Variants in CSMD1 observed in about 807,000 individuals in gnomAD.
The protein encoded by CSMD1 is CUB and sushi domain-containing protein 1.
Under a neutral mutation model 417.5 loss-of-function variants are expected in CSMD1, and 213 were observed. The observed-to-expected ratio is 0.51, with a 90% confidence interval of 0.46 to 0.57. The LOEUF (loss-of-function observed/expected upper bound fraction) is 0.57, where lower values mean the gene tolerates loss of function less well. Among genes scored for constraint, CSMD1 ranks in the 20% least tolerant of loss-of-function variants. The probability of loss-of-function intolerance (pLI) is 0.00; values close to 1 mark genes in which losing one functional copy is unlikely to be tolerated. For synonymous variants in CSMD1, 2,862 were observed against 1,736.8 expected (o/e 1.65, Z -16.11); for missense variants, 6,923 against 4,529.7 (o/e 1.53, Z -15.17).
At chr8:3,241,218 TA>T (rs1307372441) in intron 26 of CSMD1, among the ~76,000 whole-genome samples, 38 of 151,114 alleles carry the variant, frequency 2.5e-4, no homozygotes, top group East Asian at 7.8e-4. Context: ...TGGGGATAAC[TA>T]AAAAGGAGTG....
At chr8:4,897,813 G>A (rs1804604189) in intron 1 of CSMD1, among the ~76,000 whole-genome samples, 1 of 152,078 alleles carries the variant, frequency 6.6e-6, no homozygotes, top group Non-Finnish European at 1.5e-5. Context: ...AAGAGACAGA[G>A]ACTTAAATAA....
intron 3 of CSMD1, among the ~76,000 whole-genome samples, chr8:4,267,813 G>A (rs1315355623): frequency 2.0e-5 from 3 of 152,112 alleles, no homozygotes; most frequent in East Asian, 1.9e-4. Flanking sequence ...CATTGCAGGT[G>A]TGCAAAATAT....
At chr8:2,957,828 T>C (rs1370320256) in intron 62 of CSMD1, 21 bp from the exon 63 acceptor site, 4 of 1,490,858 alleles carry the variant, frequency 2.7e-6, no homozygotes, top group Admixed American at 1.9e-5. Context: ...AATCCAATAC[T>C]AGCTTCAGAG....
In CSMD1 at chr8:2,950,347, T is replaced by A; in HGVS notation, c.10202-4A>T. ...GCCTCCTCCTTCTTGTAAATGCCTG[T>A]GAAAAGATCAGCAGTTTAGGCTTAC... On this transcript the variant is annotated splice_polypyrimidine_tract_variant and splice_region_variant and intron_variant, in intron 66 of 69. Transcript: ENST00000635120. 1 of 1,582,092 alleles carries A rather than the reference T, an allele frequency of 6.3e-7. No homozygotes were observed. The highest frequency in any genetic ancestry group is 8.7e-7 in the Non-Finnish European group (1 of 1,150,972).
chr8:3,262,673 G>A (rs903505795), intron 26 of CSMD1, among the ~76,000 whole-genome samples: 6 of 152,204 alleles, frequency 3.9e-5, no homozygotes, highest in African/African-American at 1.2e-4. Context: ...CATTATTCAA[G>A]CAAACATGGA....
intron 12 of CSMD1, among the ~76,000 whole-genome samples, chr8:3,463,741 C>G (rs1242345705): frequency 6.6e-6 from 1 of 152,162 alleles, no homozygotes; most frequent in African/African-American, 2.4e-5. Flanking sequence ...GCCAGTACAA[C>G]CACGCAAGAC....
Position 3,190,033 on chromosome 8 carries a change from G to T in CSMD1, c.5277C>A (p.Ala1759=). 2 of 1,594,640 alleles carry T rather than the reference G, an allele frequency of 1.3e-6. No individual in the cohort carries two copies. Among genetic ancestry groups the T allele is most frequent in the Non-Finnish European group, 1.7e-6 (2 of 1,170,724 alleles). Residue 1759 remains alanine, a synonymous_variant, in exon 34 of 70, where the codon GCC becomes GCA. Transcript: ENST00000635120. ...YGRRIGSEFS[A]GSIVRFECNP... is the part of the protein sequence containing the mutation. ...TGCACTCGAATCGGACGATGGAGCCGGCAGAAAACTCAGAACCAATTCTCC... is the reference window on the plus strand; with the variant it reads ...TGCACTCGAATCGGACGATGGAGCCTGCAGAAAACTCAGAACCAATTCTCC...
chr8:4,913,025 G>C (rs564180527), intron 1 of CSMD1, among the ~76,000 whole-genome samples: 1 of 152,272 alleles, frequency 6.6e-6, no homozygotes, highest in East Asian at 1.9e-4. Flanking sequence ...CTGACCTCAA[G>C]TGATCCACCT....
At chr8:3,519,286 T>G (rs756368077) in intron 10 of CSMD1, among the ~76,000 whole-genome samples, 40 of 152,274 alleles carry the variant, frequency 2.6e-4, no homozygotes, top group Non-Finnish European at 5.3e-4. Flanking sequence ...AATACCTGAG[T>G]CTTCAAATTC....
intron 12 of CSMD1, among the ~76,000 whole-genome samples, chr8:3,448,918 G>A (rs1018009360): frequency 1.3e-5 from 2 of 152,158 alleles, no homozygotes; most frequent in Non-Finnish European, 1.5e-5. Flanking sequence ...ATGTATGAAT[G>A]AGCCACCTTC....
rs540084894 is a variant in CSMD1, at chr8:4,701,885, A to G, written c.86-64327T>C. 3.3e-5 allele frequency among the ~76,000 whole-genome samples: 5 copies of G among 152,330 alleles called. No homozygotes were observed. In the East Asian group the frequency reaches 7.7e-4, roughly 24 times the overall value. ...CAGATGCATCAATGATAGACTGGAT[A>G]AAGAACATGTGGCACACGTACACTG... On this transcript the variant is annotated intron_variant, in intron 1 of 69. Transcript: ENST00000635120.
intron 3 of CSMD1, among the ~76,000 whole-genome samples, chr8:4,044,587 T>A (rs546556595): frequency 1.3e-5 from 2 of 152,326 alleles, no homozygotes; most frequent in South Asian, 4.1e-4. Flanking sequence ...GGAAGGATAA[T>A]TAAATCCGGG....
intron 22 of CSMD1, among the ~76,000 whole-genome samples, chr8:3,344,401 G>A (rs551397568): frequency 3.3e-5 from 5 of 152,268 alleles, no homozygotes; most frequent in South Asian, 4.1e-4. Context: ...CATGGCACAT[G>A]TATACCTGGG....
intron 10 of CSMD1, among the ~76,000 whole-genome samples, chr8:3,534,732 A>G (rs1207497279): frequency 6.6e-6 from 1 of 152,244 alleles, no homozygotes; most frequent in Non-Finnish European, 1.5e-5. Flanking sequence ...CAACAACTGC[A>G]TAAGCATCCA....
intron 1 of CSMD1, among the ~76,000 whole-genome samples, chr8:4,758,758 C>T (rs950892589): frequency 6.6e-6 from 1 of 152,132 alleles, no homozygotes. Context: ...ACCACCAGAT[C>T]TGGTGAGAAG....
At chr8:4,314,145 C>T (rs1354837015) in intron 3 of CSMD1, among the ~76,000 whole-genome samples, 2 of 152,100 alleles carry the variant, frequency 1.3e-5, no homozygotes, top group African/African-American at 4.8e-5. Flanking sequence ...ACTGTCAACA[C>T]ATCCGAAGTC....
At chr8:4,833,081 A>T (rs1800247674) in intron 1 of CSMD1, among the ~76,000 whole-genome samples, 1 of 152,192 alleles carries the variant, frequency 6.6e-6, no homozygotes, top group Non-Finnish European at 1.5e-5. Flanking sequence ...GCCAATTCTA[A>T]CTTGGATTTA....
At chr8:4,448,841 C>T (rs1318990340) in intron 2 of CSMD1, among the ~76,000 whole-genome samples, 2 of 151,648 alleles carry the variant, frequency 1.3e-5, no homozygotes, top group Non-Finnish European at 2.9e-5. Flanking sequence ...GGTAATTTCT[C>T]TATCTTCTTT....
At chr8:4,398,459 T>A (rs999505620) in intron 3 of CSMD1, among the ~76,000 whole-genome samples, 1 of 140,996 alleles carries the variant, frequency 7.1e-6, no homozygotes, top group African/African-American at 2.6e-5. Context: ...AGTGGTGCGA[T>A]CTCGGCTCAC....
Sources: allele counts gnomAD v4.1 joint callset (sites outside exome capture counted in the v4.1 genomes callset), GRCh38; gene constraint gnomAD v4.1.1; transcripts MANE v1.5; gene names NCBI Gene and HGNC (gene_info 2026-07-23, HGNC 2026-07-21).